LPL: variants seen among roughly 807,000 people sequenced by gnomAD.
LPL encodes phospholipase A1.
Under a neutral mutation model 52.2 loss-of-function variants are expected in LPL, and 43 were observed. The observed-to-expected ratio is 0.82, with a 90% CI of 0.64 to 1.06. The LOEUF is 1.06. Among genes scored for constraint, LPL ranks in the 50% least tolerant of loss-of-function variants. LPL has a pLI of 0.00. For missense variants in LPL, 639 were observed against 585.3 expected (o/e 1.09, Z -0.95); for synonymous variants, 244 against 215.6 (o/e 1.13, Z -1.15).
intron 1 of LPL, among the ~76,000 whole-genome samples, chr8:19,945,700 A>C (rs531648235): frequency 6.6e-6 from 1 of 152,300 alleles, no homozygotes; most frequent in East Asian, 1.9e-4. Context: ...TTTCAAAACC[A>C]CCAGCAATTC....
In LPL at chr8:19,949,958, AT is replaced by A. The variant is rs574715177; in HGVS notation, c.249+1619del. 3.8e-3 allele frequency among the ~76,000 whole-genome samples: 585 copies of A among 152,184 alleles called. 6 individuals carry two copies. Among genetic ancestry groups the A allele is most frequent in the African/African-American group, 0.014 (565 of 41,434 alleles). ...TACTTTGGGAAGTTGTGGGAAAAAA[AT>A]GGTTCTTTTTCATACTAAGATGACA... is the stretch of plus-strand genomic sequence containing the variant. On this transcript the variant is annotated intron_variant, in intron 2 of 9. Transcript: ENST00000650287.
Position 19,967,034 on chromosome 8 carries a change from C to T in LPL, c.*1724C>T, listed in dbSNP as rs1397358483. The T allele has an allele frequency of 6.6e-6, 1 of 152,562 alleles. No individual in the cohort carries two copies. The highest frequency in any genetic ancestry group is 1.9e-4 in the East Asian group (1 of 5,198). 9.5% of individuals were successfully genotyped at this position (152,562 alleles called of 1,614,324 possible). Reference sequence around the variant, plus strand: ...ACATTTTATTTATTAGCTGTAAATACATGTGTGGATGTGTAAATGGAGCTT... The same window carrying T: ...ACATTTTATTTATTAGCTGTAAATATATGTGTGGATGTGTAAATGGAGCTT... On this transcript the variant is annotated 3_prime_UTR_variant, in exon 10 of 10. Coordinates refer to ENST00000650287, the MANE Select transcript of LPL (RefSeq NM_000237.3).
At chr8:19,960,228 G>A (rs920504745) in intron 7 of LPL, among the ~76,000 whole-genome samples, 5 of 152,264 alleles carry the variant, frequency 3.3e-5, no homozygotes, top group African/African-American at 4.8e-5. Context: ...CATCATTCAC[G>A]GCTAGAACCC....
chr8:19,942,742 C>T (rs546840840), intron 1 of LPL, among the ~76,000 whole-genome samples: 5 of 152,306 alleles, frequency 3.3e-5, no homozygotes, highest in African/African-American at 1.2e-4. Context: ...GATGTCTGTT[C>T]ACTAGACTGC....
chr8:19,945,785 C>A (rs2069877751), intron 1 of LPL, among the ~76,000 whole-genome samples: 1 of 152,114 alleles, frequency 6.6e-6, no homozygotes, highest in African/African-American at 2.4e-5. Flanking sequence ...TTATACTGAG[C>A]ATTATTCTTA....
chr8:19,946,030 A>G (rs2069879354), intron 1 of LPL, among the ~76,000 whole-genome samples: 1 of 152,222 alleles, frequency 6.6e-6, no homozygotes, highest in Non-Finnish European at 1.5e-5. Context: ...TTAGATTAAA[A>G]GTATTCAATA....
intron 9 of LPL, 93 bp from the exon 10 acceptor site, chr8:19,965,217 G>T: frequency 1.3e-6 from 1 of 765,166 alleles, no homozygotes; most frequent in Non-Finnish European, 2.4e-6. Flanking sequence ...CCATTTGAAG[G>T]CTTTTTCCAT....
intron 9 of LPL, among the ~76,000 whole-genome samples, chr8:19,962,929 G>A (rs893186221): frequency 6.6e-6 from 1 of 152,150 alleles, no homozygotes; most frequent in Non-Finnish European, 1.5e-5. Context: ...CACTACTCCT[G>A]TTCTGAATTC....
chr8:19,959,899 C>T (rs1201337673), intron 7 of LPL, among the ~76,000 whole-genome samples: 1 of 141,792 alleles, frequency 7.1e-6, no homozygotes, highest in Non-Finnish European at 1.5e-5. Context: ...AACAATTCTT[C>T]TGTCTCAGCC....
In LPL at chr8:19,947,058, G is replaced by A. The variant is rs977404676; in HGVS notation, c.89-1122G>A. Among the ~76,000 whole-genome samples, 5 of 152,244 alleles carry A rather than the reference G, an allele frequency of 3.3e-5. No individual in the cohort carries two copies. In the East Asian group the frequency reaches 9.6e-4, roughly 29 times the overall value. On this transcript the variant is annotated intron_variant, in intron 1 of 9. Coordinates refer to ENST00000650287, the MANE Select transcript of LPL (RefSeq NM_000237.3). ...ATATTTGGGGAGAGAATTAACCATG[G>A]CTGATACATAGCACGGGTATTTCTG...
At chr8:19,946,074 A>T (rs1241379854) in intron 1 of LPL, among the ~76,000 whole-genome samples, 1 of 152,206 alleles carries the variant, frequency 6.6e-6, no homozygotes, top group Non-Finnish European at 1.5e-5. Context: ...TAAAGCTACT[A>T]GAGTGCTTTC....
chr8:19,959,777 C>CTTTTTTTTTTTTTTTTTTTTTTT lies in LPL; in HGVS notation c.1139+404_1139+426dup, dbSNP rs71205952. ...AGAAGTCCATGACAAAGTGTTAGCT[C>CTTTTTTTTTTTTTTTTTTTTTTT]TTTTTTTTTTTTTTTTTTTTTTTTT... On this transcript the variant is annotated intron_variant, in intron 7 of 9. Coordinates refer to ENST00000650287, the MANE Select transcript of LPL (RefSeq NM_000237.3). 1.2e-4 allele frequency among the ~76,000 whole-genome samples: 8 copies of CTTTTTTTTTTTTTTTTTTTTTTT among 65,132 alleles called. 1 individual carries two copies. The highest frequency in any genetic ancestry group is 4.6e-4 in the African/African-American group (7 of 15,152). The allele number at this position is 65,132 out of a possible 152,430, so 42.7% of individuals were successfully genotyped here.
rs58934202 is a variant in LPL, at chr8:19,950,627, C to A, written c.250-1142C>A. On this transcript the variant is annotated intron_variant, in intron 2 of 9. Coordinates refer to ENST00000650287, the MANE Select transcript of LPL (RefSeq NM_000237.3). The surrounding 1 kb of genome is among the most constrained non-coding windows in gnomAD (Gnocchi z 4.2). Reference sequence around the variant, plus strand: ...CCAACCTGGCCAACATGGGGAAACCCAATCTCTACTAAAAAAATACAAAAA... The same window carrying A: ...CCAACCTGGCCAACATGGGGAAACCAAATCTCTACTAAAAAAATACAAAAA... Among the ~76,000 whole-genome samples the A allele has an allele frequency of 1.9e-3, 287 of 152,218 alleles. No homozygotes were observed. The highest frequency in any genetic ancestry group is 2.9e-3 in the Non-Finnish European group (198 of 68,004).
At chr8:19,952,035 T>G in intron 3 of LPL, 87 bp downstream of exon 3, 2 of 1,459,396 alleles carry the variant, frequency 1.4e-6, no homozygotes, top group Non-Finnish European at 1.9e-6. Context: ...TCCTTTTCTC[T>G]TAGATTTAAA....
At position 19,944,394 on chromosome 8, in the gene LPL, CA is replaced by C. The variant is rs1193364439; in HGVS notation, c.89-3785del. On this transcript the variant is annotated intron_variant, in intron 1 of 9. Transcript: ENST00000650287. This position sits in a 1 kb window ranked among gnomAD's most constrained non-coding sequence, Gnocchi z 4.2. The stretch of plus-strand genomic sequence containing the variant: ...TGCCTGAGTCGATAACTATGACTAT[CA>C]GTCTCAGAGAGCAAATGAATTACTG... Among the ~76,000 whole-genome samples, 1 of 142,566 alleles carries C rather than the reference CA, an allele frequency of 7.0e-6. No individual in the cohort carries two copies. Among genetic ancestry groups the C allele is most frequent in the Non-Finnish European group, 1.5e-5 (1 of 67,168 alleles). The allele number at this position is 142,566 out of a possible 152,430, so 93.5% of individuals were successfully genotyped here. A position where few individuals can be genotyped will look rare whatever the true frequency, so the allele number is the denominator to read the frequency against.
At chr8:19,952,972 T>A (rs1215324531) in intron 3 of LPL, among the ~76,000 whole-genome samples, 1 of 152,234 alleles carries the variant, frequency 6.6e-6, no homozygotes, top group Admixed American at 6.5e-5. Flanking sequence ...TATATGGTTA[T>A]ATATGCAAAT....
rs761399566 is a variant in LPL at position 19,965,291 on chromosome 8, T to C, written c.*-19T>C. 3.8e-6 allele frequency: 3 copies of C among 780,812 alleles called. No individual in the cohort carries two copies. The South Asian group carries it at 4.0e-5, about 10-fold the overall frequency. 48.4% of individuals were successfully genotyped at this position (780,812 alleles called of 1,614,324 possible). On this transcript the variant is annotated intron_variant, in intron 9 of 9. Coordinates refer to ENST00000650287, the MANE Select transcript of LPL (RefSeq NM_000237.3). ...CTCAGAAGATAATAAATTGCCCTTTTTCCTGTGCTTTTTCTCAGAAACTGG... is the reference window on the plus strand; with the variant it reads ...CTCAGAAGATAATAAATTGCCCTTTCTCCTGTGCTTTTTCTCAGAAACTGG...
In LPL at chr8:19,950,487, C is replaced by A. The variant is rs549260995; in HGVS notation, c.250-1282C>A. 6.6e-6 allele frequency among the ~76,000 whole-genome samples: 1 copy of A among 152,078 alleles called. No individual in the cohort carries two copies. Among genetic ancestry groups the A allele is most frequent in the Non-Finnish European group, 1.5e-5 (1 of 68,016 alleles). ...CTGTAGGAGTAAGTTGGATGTCCAG[C>A]CTTTTTAGATTGCTTAACTTGGAAA... On this transcript the variant is annotated intron_variant, in intron 2 of 9. Transcript: ENST00000650287. The surrounding 1 kb of genome is among the most constrained non-coding windows in gnomAD (Gnocchi z 4.2).
chr8:19,952,401 G>A (rs2069942453), intron 3 of LPL, among the ~76,000 whole-genome samples: 1 of 152,142 alleles, frequency 6.6e-6, no homozygotes. Context: ...TTGAGCATTG[G>A]GAGAGTGATG....
Sources: allele counts gnomAD v4.1 joint callset (sites outside exome capture counted in the v4.1 genomes callset), GRCh38; gene constraint gnomAD v4.1.1; non-coding constraint Gnocchi (gnomAD v3.1); transcripts MANE v1.5; gene names NCBI Gene and HGNC (gene_info 2026-07-23, HGNC 2026-07-21).